ITGBL1: variants seen among roughly 807,000 people sequenced by gnomAD.
ITGBL1 encodes the protein integrin subunit beta like 1, also known as integrin beta-like protein 1.
Under a neutral mutation model 68.5 loss-of-function variants are expected in ITGBL1, and 51 were observed. That is an observed-to-expected ratio of 0.74 (90% CI 0.59 to 0.94). The LOEUF (loss-of-function observed/expected upper bound fraction) is 0.94, where lower values mean the gene tolerates loss of function less well. Ranked by LOEUF, ITGBL1 falls within the 40% of genes least tolerant of loss-of-function variation. The pLI is 0.00. For missense variants in ITGBL1, 649 were observed against 647.4 expected (o/e 1.00, Z -0.03); for synonymous variants, 209 against 227.3 (o/e 0.92, Z 0.72).
At chr13:101,718,495 G>A (rs1448624110), downstream of ITGBL1, 1 of 152,074 alleles carries the variant, frequency 6.6e-6, no homozygotes, top group East Asian at 1.9e-4. Context: ...GTTGCAGTGG[G>A]ATTAATGTCA....
intron 2 of ITGBL1, among the ~76,000 whole-genome samples, chr13:101,462,220 G>A (rs942401391): frequency 6.6e-5 from 10 of 152,038 alleles, no homozygotes; most frequent in African/African-American, 2.2e-4. Context: ...TACCACCGTC[G>A]GAAAACATAC....
chr13:101,708,433 G>A (rs565631916), intron 9 of ITGBL1, among the ~76,000 whole-genome samples: 1 of 152,154 alleles, frequency 6.6e-6, no homozygotes, highest in African/African-American at 2.4e-5. Context: ...ACCTCTGCTG[G>A]TCAGGATGAC....
intron 7 of ITGBL1, among the ~76,000 whole-genome samples, chr13:101,672,423 T>C: frequency 6.6e-6 from 1 of 152,216 alleles, no homozygotes; most frequent in East Asian, 1.9e-4. Flanking sequence ...TTGCTGGCAG[T>C]TGTGCCAATA....
rs565160727 is a variant in ITGBL1 at position 101,658,050 on chromosome 13, G to C, written c.1016-34535G>C. Among the ~76,000 whole-genome samples the C allele has an allele frequency of 2.0e-5, 3 of 152,268 alleles. No homozygotes were observed. The East Asian group carries it at 5.8e-4, about 29-fold the overall frequency. On this transcript the variant is annotated intron_variant, in intron 7 of 10. Coordinates refer to ENST00000376180, the MANE Select transcript of ITGBL1 (RefSeq NM_004791.3). ...TACATCTGCATTCTCTCTTCACTAG[G>C]AAAGAATGGCCAATTAATCAAACTT... is the stretch of plus-strand genomic sequence containing the variant.
chr13:101,495,126 C>G (rs2048837948), intron 2 of ITGBL1, among the ~76,000 whole-genome samples: 1 of 152,146 alleles, frequency 6.6e-6, no homozygotes, highest in South Asian at 2.1e-4. Context: ...AGTTGCCAAC[C>G]CTTTTTAACT....
intron 2 of ITGBL1, among the ~76,000 whole-genome samples, chr13:101,481,887 G>A (rs1444840495): frequency 1.3e-5 from 2 of 152,088 alleles, no homozygotes; most frequent in Non-Finnish European, 2.9e-5. Flanking sequence ...AAATCAAGGT[G>A]ATTAGCGTAT....
At chr13:101,526,659 A>ATGTG (rs35919129) in intron 2 of ITGBL1, among the ~76,000 whole-genome samples, 4,218 of 149,330 alleles carry the variant, frequency 0.028, 63 homozygotes, top group Middle Eastern at 0.042. Context: ...TTGAAGTTAT[A>ATGTG]TGTGTGTGTG....
intron 7 of ITGBL1, among the ~76,000 whole-genome samples, chr13:101,611,089 G>A (rs933319400): frequency 6.6e-6 from 1 of 152,134 alleles, no homozygotes; most frequent in African/African-American, 2.4e-5. Flanking sequence ...ACAGCCTGGG[G>A]GGAAATATGT....
intron 6 of ITGBL1, among the ~76,000 whole-genome samples, chr13:101,597,485 C>T (rs1187200387): frequency 6.7e-6 from 1 of 149,130 alleles, no homozygotes; most frequent in Non-Finnish European, 1.5e-5. Context: ...TGACTGCCCT[C>T]CATGCAAATT....
At chr13:101,544,658 T>A (rs563408819) in intron 2 of ITGBL1, among the ~76,000 whole-genome samples, 37 of 152,072 alleles carry the variant, frequency 2.4e-4, no homozygotes, top group African/African-American at 8.7e-4. Flanking sequence ...AGAGGTGGAG[T>A]CTACAGAGAC....
At chr13:101,536,095 C>T in intron 2 of ITGBL1, among the ~76,000 whole-genome samples, 1 of 151,616 alleles carries the variant, frequency 6.6e-6, no homozygotes, top group East Asian at 1.9e-4. Context: ...GGTACATGTG[C>T]ACATTGTGCA....
chr13:101,525,426 C>T (rs186211289), intron 2 of ITGBL1, among the ~76,000 whole-genome samples: 131 of 151,524 alleles, frequency 8.6e-4, no homozygotes, highest in Non-Finnish European at 1.5e-3. Context: ...TTGTCTATTG[C>T]AACTAAAATA....
chr13:101,602,026 A>G (rs185547207), intron 7 of ITGBL1, among the ~76,000 whole-genome samples: 2 of 152,130 alleles, frequency 1.3e-5, no homozygotes, highest in African/African-American at 4.8e-5. Flanking sequence ...CTCTCTTTAT[A>G]TATATCTTTT....
At chr13:101,556,901 A>G (rs150802113) in intron 2 of ITGBL1, among the ~76,000 whole-genome samples, 2 of 152,332 alleles carry the variant, frequency 1.3e-5, no homozygotes, top group South Asian at 2.1e-4. Context: ...GAGTTACTCA[A>G]TTTGTGGGAC....
At chr13:101,577,527 C>T (rs1594900709) in intron 4 of ITGBL1, among the ~76,000 whole-genome samples, 2 of 151,954 alleles carry the variant, frequency 1.3e-5, no homozygotes, top group Non-Finnish European at 2.9e-5. Flanking sequence ...TTAGTAAAAC[C>T]CTAATTCAGT....
At chr13:101,605,009 T>C (rs377698109) in intron 7 of ITGBL1, among the ~76,000 whole-genome samples, 105 of 36,074 alleles carry the variant, frequency 2.9e-3, no homozygotes, top group African/African-American at 5.7e-3. Flanking sequence ...TATACATATA[T>C]GCGTATATGT....
At chr13:101,699,408 T>C (rs910905425) in intron 8 of ITGBL1, among the ~76,000 whole-genome samples, 1 of 152,176 alleles carries the variant, frequency 6.6e-6, no homozygotes, top group African/African-American at 2.4e-5. Flanking sequence ...TCATCTTGAA[T>C]TGTAGTTTCT....
Position 101,567,703 on chromosome 13 carries a change from T to C in ITGBL1, c.321T>C (p.His107=), listed in dbSNP as rs765888196. ...TAGATGTTGTTCAATCCCCAGGCCA[T>C]GGTAAGTGTGACTGTGGCAAGTGCA... ...ETYDGSTCAG[H]GKCDCGKCKC... is the part of the protein sequence containing the mutation. The change falls in exon 3 of 11, where the codon CAT becomes CAC. Residue 107 remains histidine (H), a synonymous_variant. Transcript: ENST00000376180. 6.2e-7 allele frequency: 1 copy of C among 1,612,758 alleles called. No individual in the cohort carries two copies. Among genetic ancestry groups the C allele is most frequent in the East Asian group, 2.2e-5 (1 of 44,836 alleles).
At chr13:101,506,558 C>T (rs535107088) in intron 2 of ITGBL1, among the ~76,000 whole-genome samples, 2 of 152,238 alleles carry the variant, frequency 1.3e-5, no homozygotes, top group East Asian at 1.9e-4. Context: ...ACAGCCAGGT[C>T]GGCAGAGCCA....
Sources: gnomAD v4.1 joint callset for allele counts (sites outside exome capture counted in the v4.1 genomes callset) on GRCh38, gnomAD v4.1.1 for gene constraint, MANE v1.5 for transcripts, NCBI Gene and HGNC (gene_info 2026-07-23, HGNC 2026-07-21) for gene names.